Variants in SCAPER observed in about 807,000 individuals in gnomAD.
SCAPER encodes the protein S-phase cyclin A associated protein in the ER.
A neutral mutation model predicts 182.2 loss-of-function variants in SCAPER; 98 were observed. The ratio of observed to expected loss-of-function variants is 0.54; its 90% CI spans 0.46 to 0.64. The LOEUF (loss-of-function observed/expected upper bound fraction) is 0.64, where lower values mean the gene tolerates loss of function less well. Ranked by LOEUF, SCAPER falls within the 30% of genes least tolerant of loss-of-function variation. The pLI is 0.00. For missense variants in SCAPER, 1,432 were observed against 1,690.0 expected (o/e 0.85, Z 2.68); for synonymous variants, 605 against 564.6 (o/e 1.07, Z -1.01).
chr15:76,355,847 G>A (rs1189480316), intron 29 of SCAPER, among the ~76,000 whole-genome samples: 9 of 152,236 alleles, frequency 5.9e-5, no homozygotes, highest in African/African-American at 2.2e-4. Flanking sequence ...GCCGTTTACA[G>A]AGCGAGTTTA....
In SCAPER at chr15:76,709,959, AG is replaced by A. The variant is rs1247766491; in HGVS notation, c.2166-3976del. On this transcript the variant is annotated intron_variant, in intron 17 of 31. Coordinates refer to ENST00000563290, the MANE Select transcript of SCAPER (RefSeq NM_020843.4). Reference sequence around the variant, plus strand: ...AAAAGATGGATTTCACCAAATTCAAAGTCCATTCATGTTAAAGGCTCTCAAC... The same window carrying A: ...AAAAGATGGATTTCACCAAATTCAAATCCATTCATGTTAAAGGCTCTCAAC... Among the ~76,000 whole-genome samples the A allele has an allele frequency of 1.4e-4, 22 of 152,348 alleles. No individual in the cohort carries two copies. The East Asian group carries it at 2.5e-3, about 17-fold the overall frequency.
chr15:76,699,074 T>C (rs1307038405), intron 20 of SCAPER, among the ~76,000 whole-genome samples: 8 of 152,232 alleles, frequency 5.3e-5, no homozygotes, highest in Non-Finnish European at 1.0e-4. Flanking sequence ...TTTGATGTTG[T>C]TGCTGTGTAG....
chr15:76,739,799 T>C (rs890404016), intron 15 of SCAPER, among the ~76,000 whole-genome samples: 1 of 151,984 alleles, frequency 6.6e-6, no homozygotes, highest in South Asian at 2.1e-4. Flanking sequence ...ACAAACAGAG[T>C]ACAAAAGTAA....
At chr15:76,424,374 G>A (rs1425224636) in intron 26 of SCAPER, among the ~76,000 whole-genome samples, 2 of 152,066 alleles carry the variant, frequency 1.3e-5, no homozygotes, top group East Asian at 1.9e-4. Flanking sequence ...ATTATGTAAC[G>A]GCCTTCTTTG....
chr15:76,498,001 A>AAAT (rs2040736282), intron 24 of SCAPER, among the ~76,000 whole-genome samples: 1 of 118,558 alleles, frequency 8.4e-6, no homozygotes, highest in Non-Finnish European at 1.8e-5. Flanking sequence ...AAAAAAAAAA[A>AAAT]AAAAAAAAAA....
chr15:76,665,769 C>T lies in SCAPER; in HGVS notation c.2529G>A (p.Lys843=). 1.3e-6 allele frequency: 2 copies of T among 1,532,386 alleles called. No homozygotes were observed. Among genetic ancestry groups the T allele is most frequent in the Non-Finnish European group, 1.8e-6 (2 of 1,140,866 alleles). 94.9% of individuals were successfully genotyped at this position (1,532,386 alleles called of 1,614,324 possible). The change falls in exon 21 of 32, where the codon AAG becomes AAA. Residue 843 remains lysine, a synonymous_variant. Coordinates refer to ENST00000563290, the MANE Select transcript of SCAPER (RefSeq NM_020843.4). ...TTTCAACCACAATGTCAATAATGTACTTCTTCAAGGAAAGATGCTCCTGCA... is the reference window on the plus strand; with the variant it reads ...TTTCAACCACAATGTCAATAATGTATTTCTTCAAGGAAAGATGCTCCTGCA... The part of the protein sequence containing the change: ...DEEVEHLSLK[K]YIIDIVVEST...
intron 8 of SCAPER, among the ~76,000 whole-genome samples, chr15:76,779,828 C>A (rs1022621029): frequency 2.6e-5 from 4 of 152,066 alleles, no homozygotes; most frequent in Admixed American, 1.3e-4. Flanking sequence ...AATATATAAA[C>A]AATTATAAGC....
chr15:76,564,975 G>A (rs1410267194), intron 23 of SCAPER, among the ~76,000 whole-genome samples: 1 of 152,070 alleles, frequency 6.6e-6, no homozygotes, highest in African/African-American at 2.4e-5. Flanking sequence ...ATATACAGAA[G>A]ATTTAAACTG....
chr15:76,593,410 C>T lies in SCAPER; in HGVS notation c.2712-19126G>A, dbSNP rs1241980873. 1.6e-5 allele frequency among the ~76,000 whole-genome samples: 2 copies of T among 121,266 alleles called. 1 individual carries two copies. Among genetic ancestry groups the T allele is most frequent in the African/African-American group, 5.0e-5 (2 of 39,740 alleles). The allele number at this position is 121,266 out of a possible 152,430, so 79.6% of individuals were successfully genotyped here. On this transcript the variant is annotated intron_variant, in intron 22 of 31. Coordinates refer to ENST00000563290, the MANE Select transcript of SCAPER (RefSeq NM_020843.4). ...TGGGCACAGCTTCAGGAGACTTAAACATTCCAGCCTGCTGACTCTGAAGAG... is the reference window on the plus strand; with the variant it reads ...TGGGCACAGCTTCAGGAGACTTAAATATTCCAGCCTGCTGACTCTGAAGAG...
At chr15:76,671,507 T>C (rs940218882) in intron 20 of SCAPER, among the ~76,000 whole-genome samples, 8 of 152,120 alleles carry the variant, frequency 5.3e-5, no homozygotes, top group African/African-American at 1.9e-4. Flanking sequence ...TGGTGGCTCA[T>C]GCCTGTAATC....
At chr15:76,512,462 A>G (rs2042121980) in intron 23 of SCAPER, among the ~76,000 whole-genome samples, 1 of 151,730 alleles carries the variant, frequency 6.6e-6, no homozygotes, top group South Asian at 2.1e-4. Flanking sequence ...CTCAACTCAA[A>G]AACAGGGCAT....
chr15:76,703,932 G>C (rs930362188), intron 18 of SCAPER, among the ~76,000 whole-genome samples: 3 of 152,032 alleles, frequency 2.0e-5, no homozygotes, highest in African/African-American at 4.8e-5. Context: ...TTCTACCTTA[G>C]GGGTTTTACT....
intron 8 of SCAPER, among the ~76,000 whole-genome samples, chr15:76,781,039 G>A (rs2064095622): frequency 6.6e-6 from 1 of 152,186 alleles, no homozygotes; most frequent in Non-Finnish European, 1.5e-5. Flanking sequence ...GGATGACTTT[G>A]ACGAGTTGAC....
chr15:76,689,936 A>G (rs2147115461), intron 20 of SCAPER, among the ~76,000 whole-genome samples: 1 of 140,598 alleles, frequency 7.1e-6, no homozygotes, highest in Non-Finnish European at 1.5e-5. Context: ...AAAAAAAAAA[A>G]AAGTCCATCT....
At chr15:76,523,901 C>T (rs947833928) in intron 23 of SCAPER, among the ~76,000 whole-genome samples, 1 of 152,074 alleles carries the variant, frequency 6.6e-6, no homozygotes, top group Non-Finnish European at 1.5e-5. Flanking sequence ...CTTCACTTAA[C>T]CTCTCCTACC....
At chr15:76,643,357 A>T (rs1597882575) in intron 21 of SCAPER, among the ~76,000 whole-genome samples, 1 of 152,018 alleles carries the variant, frequency 6.6e-6, no homozygotes, top group Admixed American at 6.5e-5. Flanking sequence ...TGAATAACTT[A>T]CTTCATGTGA....
intron 22 of SCAPER, among the ~76,000 whole-genome samples, chr15:76,620,483 T>C (rs1392939699): frequency 1.3e-5 from 2 of 152,224 alleles, no homozygotes; most frequent in Non-Finnish European, 2.9e-5. Context: ...CTTACTTCTT[T>C]AATGTTTTAT....
intron 17 of SCAPER, among the ~76,000 whole-genome samples, chr15:76,722,528 T>C (rs943551817): frequency 6.6e-6 from 1 of 152,238 alleles, no homozygotes; most frequent in African/African-American, 2.4e-5. Context: ...GTACCTCTGG[T>C]AGAATTCGGC....
At chr15:76,470,677 G>T (rs2143000978) in intron 25 of SCAPER, among the ~76,000 whole-genome samples, 1 of 152,272 alleles carries the variant, frequency 6.6e-6, no homozygotes, top group Admixed American at 6.5e-5. Context: ...TTCAACATCT[G>T]TGAACTGAAG....
Sources: allele counts gnomAD v4.1 joint callset (sites outside exome capture counted in the v4.1 genomes callset), GRCh38; gene constraint gnomAD v4.1.1; transcripts MANE v1.5; gene names NCBI Gene and HGNC (gene_info 2026-07-23, HGNC 2026-07-21).